Variants in THSD7B observed in about 807,000 individuals in gnomAD.
The protein encoded by THSD7B is thrombospondin type-1 domain-containing protein 7B.
THSD7B carries 138 observed loss-of-function variants against 213.6 expected under a neutral mutation model. The ratio of observed to expected loss-of-function variants is 0.65; its 90% CI spans 0.56 to 0.74. The LOEUF (loss-of-function observed/expected upper bound fraction) is 0.74, where lower values mean the gene tolerates loss of function less well. Ranked by LOEUF, THSD7B falls within the 30% of genes least tolerant of loss-of-function variation. THSD7B has a pLI of 0.00. For synonymous variants in THSD7B, 742 were observed against 687.0 expected (o/e 1.08, Z -1.25); for missense variants, 1,931 against 1,991.5 (o/e 0.97, Z 0.58).
intron 1 of THSD7B, among the ~76,000 whole-genome samples, chr2:136,855,863 C>A (rs1277164972): frequency 3.3e-5 from 5 of 151,796 alleles, no homozygotes; most frequent in African/African-American, 1.2e-4. Flanking sequence ...CCAAGTGCAC[C>A]CTCTCCTGTG....
intron 15 of THSD7B, among the ~76,000 whole-genome samples, chr2:137,497,212 G>GACACAC (rs58249868): frequency 2.7e-5 from 4 of 150,228 alleles, no homozygotes; most frequent in African/African-American, 9.8e-5. Context: ...CACACACACA[G>GACACAC]ACACACACAC....
At chr2:137,597,387 T>C (rs1681982378) in intron 17 of THSD7B, among the ~76,000 whole-genome samples, 1 of 151,836 alleles carries the variant, frequency 6.6e-6, no homozygotes, top group Non-Finnish European at 1.5e-5. Context: ...ATGCATTGGC[T>C]GTATGAGCCA....
chr2:137,544,520 G>A (rs538913471), intron 15 of THSD7B, among the ~76,000 whole-genome samples: 1 of 151,822 alleles, frequency 6.6e-6, no homozygotes, highest in South Asian at 2.1e-4. Flanking sequence ...TAGAATTACA[G>A]ATAGTGGTTA....
chr2:137,512,239 G>A (rs1177732129), intron 15 of THSD7B: 1 of 151,992 alleles, frequency 6.6e-6, no homozygotes, highest in Non-Finnish European at 1.5e-5. Context: ...TTTCTAAACA[G>A]TGTAATCACC....
At chr2:137,433,568 G>A (rs1294893396) in intron 14 of THSD7B, among the ~76,000 whole-genome samples, 3 of 151,902 alleles carry the variant, frequency 2.0e-5, no homozygotes, top group African/African-American at 4.8e-5. Flanking sequence ...TGGCCAGGCT[G>A]GTCTCGAACT....
intron 24 of THSD7B, among the ~76,000 whole-genome samples, chr2:137,657,488 CAT>C (rs1156506507): frequency 6.6e-6 from 1 of 152,030 alleles, no homozygotes; most frequent in Non-Finnish European, 1.5e-5. Flanking sequence ...TTTCAAAGGA[CAT>C]ATCTTAGCAT....
intron 15 of THSD7B, among the ~76,000 whole-genome samples, chr2:137,486,716 A>T (rs918236723): frequency 2.6e-5 from 4 of 152,192 alleles, no homozygotes; most frequent in African/African-American, 9.7e-5. Context: ...CACCACACCT[A>T]TTCCAAAATT....
chr2:137,430,576 C>A (rs1687155048), intron 14 of THSD7B, among the ~76,000 whole-genome samples: 1 of 152,242 alleles, frequency 6.6e-6, no homozygotes, highest in Non-Finnish European at 1.5e-5. Flanking sequence ...AACTCAGGGA[C>A]TCTGGCCCTA....
chr2:137,255,949 T>C (rs1000820814), intron 10 of THSD7B, among the ~76,000 whole-genome samples: 1 of 152,180 alleles, frequency 6.6e-6, no homozygotes, highest in Non-Finnish European at 1.5e-5. Context: ...TGGGTGCTTT[T>C]ATTCAACACT....
At chr2:136,974,886 G>T (rs1422625619) in intron 2 of THSD7B, among the ~76,000 whole-genome samples, 2 of 152,052 alleles carry the variant, frequency 1.3e-5, no homozygotes, top group Non-Finnish European at 2.9e-5. Context: ...TTTAATAATT[G>T]CCATTCTGAC....
chr2:137,435,418 A>T (rs1040262746), intron 14 of THSD7B, among the ~76,000 whole-genome samples: 1 of 152,184 alleles, frequency 6.6e-6, no homozygotes, highest in African/African-American at 2.4e-5. Flanking sequence ...ATCTTTTCAG[A>T]TTCTTGATGT....
rs529721759 is a variant in THSD7B at position 137,013,274 on chromosome 2, C to A, written c.140-43146C>A. Among the ~76,000 whole-genome samples, 7 of 152,274 alleles carry A rather than the reference C, an allele frequency of 4.6e-5. No homozygotes were observed. The East Asian group carries it at 1.4e-3, about 29-fold the overall frequency. On this transcript the variant is annotated intron_variant, in intron 2 of 27. Coordinates refer to ENST00000409968, the MANE Select transcript of THSD7B (RefSeq NM_001316349.2). ...AATAGGTTTGAAAGACACTGGATAT[C>A]AGGCAAAGAAAGATGGTGATCCCTG...
intron 15 of THSD7B, among the ~76,000 whole-genome samples, chr2:137,467,675 A>G (rs1339547803): frequency 6.6e-6 from 1 of 152,198 alleles, no homozygotes; most frequent in Non-Finnish European, 1.5e-5. Flanking sequence ...TGGGAAAATT[A>G]AGTAATGTTT....
intron 2 of THSD7B, among the ~76,000 whole-genome samples, chr2:137,029,760 A>C (rs1323506258): frequency 6.6e-6 from 1 of 152,114 alleles, no homozygotes; most frequent in Non-Finnish European, 1.5e-5. Context: ...TCTACAAGAG[A>C]GGAGGTATAT....
At chr2:137,522,501 T>C (rs1234071083) in intron 15 of THSD7B, among the ~76,000 whole-genome samples, 1 of 152,088 alleles carries the variant, frequency 6.6e-6, no homozygotes, top group Non-Finnish European at 1.5e-5. Context: ...GAATTGCTGG[T>C]GAGGGAAAGA....
intron 17 of THSD7B, among the ~76,000 whole-genome samples, chr2:137,588,578 C>A (rs1681794266): frequency 6.6e-6 from 1 of 151,262 alleles, no homozygotes; most frequent in Non-Finnish European, 1.5e-5. Context: ...ACAACTATAG[C>A]ATATTTTTAT....
At chr2:136,795,020 C>A (rs1682036441) in intron 1 of THSD7B, among the ~76,000 whole-genome samples, 3 of 151,938 alleles carry the variant, frequency 2.0e-5, no homozygotes, top group Admixed American at 1.3e-4. Flanking sequence ...CCTTTACCAT[C>A]CTCTACCGTT....
chr2:137,287,973 ATC>A (rs1388123613), intron 12 of THSD7B, among the ~76,000 whole-genome samples: 1 of 152,138 alleles, frequency 6.6e-6, no homozygotes, highest in African/African-American at 2.4e-5. Flanking sequence ...CTAAAATTCT[ATC>A]TCTTCAAATA....
intron 2 of THSD7B, among the ~76,000 whole-genome samples, chr2:137,002,012 C>T (rs1450684278): frequency 1.3e-5 from 2 of 151,982 alleles, no homozygotes; most frequent in Non-Finnish European, 2.9e-5. Flanking sequence ...TATTTTCTTT[C>T]CCATCTAATT....
Sources: gnomAD v4.1 joint callset for allele counts (sites outside exome capture counted in the v4.1 genomes callset) on GRCh38, gnomAD v4.1.1 for gene constraint, MANE v1.5 for transcripts, NCBI Gene and HGNC (gene_info 2026-07-23, HGNC 2026-07-21) for gene names.